Variants in EIPR1 observed in about 807,000 individuals in gnomAD.
EIPR1 encodes EARP complex and GARP complex interacting protein 1.
EIPR1 carries 25 observed loss-of-function variants against 48.1 expected under a neutral mutation model. That is an observed-to-expected ratio of 0.52 (90% confidence interval 0.38 to 0.73). The LOEUF is 0.73. EIPR1 is among the 30% of genes least tolerant of loss of function. The pLI, the probability that EIPR1 is intolerant of heterozygous loss-of-function variation, is 0.00. For missense variants in EIPR1, 415 were observed against 506.2 expected (o/e 0.82, Z 1.73); for synonymous variants, 204 against 201.9 (o/e 1.01, Z -0.09).
intron 2 of EIPR1, among the ~76,000 whole-genome samples, chr2:3,342,843 T>C (rs1670292065): frequency 6.6e-6 from 1 of 152,240 alleles, no homozygotes; most frequent in Admixed American, 6.5e-5. Flanking sequence ...CACATATCCT[T>C]ATTTTATGGT....
At chr2:3,364,654 A>G (rs1670932527) in intron 1 of EIPR1, among the ~76,000 whole-genome samples, 1 of 144,702 alleles carries the variant, frequency 6.9e-6, no homozygotes, top group Non-Finnish European at 1.5e-5. Context: ...AAAAAGAAAG[A>G]AAAAAAAAAA....
chr2:3,348,488 C>A (rs1434704703), intron 2 of EIPR1, among the ~76,000 whole-genome samples: 1 of 152,178 alleles, frequency 6.6e-6, no homozygotes, highest in African/African-American at 2.4e-5. Flanking sequence ...TGATCACACC[C>A]CCCAGGAAGA....
At chr2:3,215,947 A>G (rs1348620371) in intron 4 of EIPR1, among the ~76,000 whole-genome samples, 1 of 152,276 alleles carries the variant, frequency 6.6e-6, no homozygotes, top group African/African-American at 2.4e-5. Context: ...TAATAAACAC[A>G]TAATATGTAG....
intron 3 of EIPR1, among the ~76,000 whole-genome samples, chr2:3,328,311 G>A (rs1558301300): frequency 1.3e-5 from 2 of 152,324 alleles, no homozygotes; most frequent in South Asian, 4.1e-4. Flanking sequence ...GGTCCACCAC[G>A]TTTAATGCTC....
chr2:3,369,990 C>A (rs553927799), intron 1 of EIPR1, among the ~76,000 whole-genome samples: 58 of 150,806 alleles, frequency 3.8e-4, no homozygotes, highest in Middle Eastern at 3.4e-3. Flanking sequence ...GCACCCCCCC[C>A]GTAGGGGCAG....
chr2:3,362,322 G>A (rs1403263947), intron 1 of EIPR1, among the ~76,000 whole-genome samples: 1 of 152,070 alleles, frequency 6.6e-6, no homozygotes, highest in Admixed American at 6.6e-5. Flanking sequence ...ACATGGGGGT[G>A]AGCCCCTCCC....
chr2:3,268,681 C>T (rs562979554), intron 3 of EIPR1, among the ~76,000 whole-genome samples: 4 of 152,258 alleles, frequency 2.6e-5, no homozygotes, highest in African/African-American at 7.2e-5. Flanking sequence ...ACTAGGACAG[C>T]GCGCGCAAGG....
rs1250776710 is a variant in EIPR1, at chr2:3,341,135, A to C, written c.127-2986T>G. On this transcript the variant is annotated intron_variant, in intron 2 of 8. Coordinates refer to ENST00000382125, the MANE Select transcript of EIPR1 (RefSeq NM_003310.5). ...AAAAAAAAAAACAAAACAAAACTCCACAATAGAATGGGTAAATCAGTTGTG... is the reference window on the plus strand; with the variant it reads ...AAAAAAAAAAACAAAACAAAACTCCCCAATAGAATGGGTAAATCAGTTGTG... Among the ~76,000 whole-genome samples, 95 of 148,026 alleles carry C rather than the reference A, an allele frequency of 6.4e-4. 1 individual carries two copies. Among genetic ancestry groups the C allele is most frequent in the African/African-American group, 2.2e-3 (88 of 39,854 alleles).
At chr2:3,295,490 C>T (rs113455406) in intron 3 of EIPR1, among the ~76,000 whole-genome samples, 1 of 113,058 alleles carries the variant, frequency 8.8e-6, no homozygotes, top group Non-Finnish European at 1.9e-5. Context: ...TCCAGCCCAT[C>T]CTCTCTGCAC....
In EIPR1 at chr2:3,241,642, A is replaced by T. The variant is rs910613430; in HGVS notation, c.416+15657T>A. 3.3e-5 allele frequency among the ~76,000 whole-genome samples: 5 copies of T among 152,174 alleles called. No individual in the cohort carries two copies. In the East Asian group the frequency reaches 5.8e-4, roughly 18 times the overall value. On this transcript the variant is annotated intron_variant, in intron 4 of 8. Coordinates refer to ENST00000382125, the MANE Select transcript of EIPR1 (RefSeq NM_003310.5). ...ACTGAATTGGAGAGGACATAAAACG[A>T]TATGAACAAGTCAGGAACTAGGTGG...
At chr2:3,368,381 G>T (rs543795019) in intron 1 of EIPR1, among the ~76,000 whole-genome samples, 1 of 152,108 alleles carries the variant, frequency 6.6e-6, no homozygotes, top group Non-Finnish European at 1.5e-5. Context: ...CACCCCGACC[G>T]TCCTTTCTGG....
chr2:3,317,148 G>A (rs970028286), intron 3 of EIPR1, among the ~76,000 whole-genome samples: 5 of 145,432 alleles, frequency 3.4e-5, no homozygotes, highest in Middle Eastern at 4.0e-3. Context: ...CCCCAGGAGC[G>A]CATGAGGCAC....
chr2:3,252,134 A>G (rs1186570091), intron 4 of EIPR1, among the ~76,000 whole-genome samples: 1 of 152,200 alleles, frequency 6.6e-6, no homozygotes, highest in Non-Finnish European at 1.5e-5. Flanking sequence ...TCTCACTCAA[A>G]TACGCGGAGT....
At chr2:3,287,273 ACCACAC>A (rs1668219186) in intron 3 of EIPR1, among the ~76,000 whole-genome samples, 1 of 129,592 alleles carries the variant, frequency 7.7e-6, no homozygotes, top group African/African-American at 2.8e-5. Flanking sequence ...AAGCTCATTC[ACCACAC>A]TCCAGAAAGC....
chr2:3,199,374 G>A (rs567520757), intron 5 of EIPR1, among the ~76,000 whole-genome samples: 34 of 152,258 alleles, frequency 2.2e-4, no homozygotes, highest in African/African-American at 6.3e-4. Context: ...CGAAGATGAC[G>A]GGATTAAGAG....
chr2:3,206,917 A>C (rs1158733282), intron 5 of EIPR1, among the ~76,000 whole-genome samples: 1 of 152,186 alleles, frequency 6.6e-6, no homozygotes, highest in Admixed American at 6.5e-5. Context: ...CGCGTCATGA[A>C]AGCACGCCGG....
At chr2:3,371,334 A>G (rs892061782) in intron 1 of EIPR1, among the ~76,000 whole-genome samples, 13 of 152,164 alleles carry the variant, frequency 8.5e-5, no homozygotes, top group African/African-American at 2.4e-4. Flanking sequence ...ATCAACTAAC[A>G]AGCAAAATAA....
At chr2:3,277,398 C>T (rs772214521) in intron 3 of EIPR1, among the ~76,000 whole-genome samples, 16 of 152,184 alleles carry the variant, frequency 1.1e-4, no homozygotes, top group Non-Finnish European at 2.2e-4. Context: ...GATTTACATG[C>T]GGGATACTCA....
intron 2 of EIPR1, 98 bp from the exon 3 acceptor site, chr2:3,338,247 C>A: frequency 7.2e-7 from 1 of 1,389,012 alleles, no homozygotes; most frequent in South Asian, 1.3e-5. Context: ...ATGCACATTT[C>A]GTGACAGATA....
Sources: gnomAD v4.1 joint callset for allele counts (sites outside exome capture counted in the v4.1 genomes callset) on GRCh38, gnomAD v4.1.1 for gene constraint, MANE v1.5 for transcripts, NCBI Gene and HGNC (gene_info 2026-07-23, HGNC 2026-07-21) for gene names.